The following SORCS3 variants were observed in gnomAD, a reference collection of about 807,000 sequenced individuals.
SORCS3 encodes VPS10 domain-containing receptor SorCS3.
A neutral mutation model predicts 146.3 loss-of-function variants in SORCS3; 57 were observed. The observed-to-expected ratio is 0.39, with a 90% CI of 0.31 to 0.49. The LOEUF is 0.49. Among genes scored for constraint, SORCS3 ranks in the 20% least tolerant of loss-of-function variants. The pLI, the probability that SORCS3 is intolerant of heterozygous loss-of-function variation, is 0.92. For synonymous variants in SORCS3, 653 were observed against 618.5 expected, an observed-to-expected ratio of 1.06 and a Z score of -0.83; for missense variants, 1,341 against 1,575.5, an observed-to-expected ratio of 0.85 and a Z score of 2.52.
intron 17 of SORCS3, among the ~76,000 whole-genome samples, chr10:105,211,659 A>G (rs2056634864): frequency 6.6e-6 from 1 of 152,246 alleles, no homozygotes; most frequent in Non-Finnish European, 1.5e-5. Flanking sequence ...TGAAAATTCA[A>G]AAGTTCCATT....
intron 1 of SORCS3, among the ~76,000 whole-genome samples, chr10:104,782,809 T>C (rs1167522360): frequency 1.3e-5 from 2 of 152,180 alleles, no homozygotes; most frequent in African/African-American, 4.8e-5. Flanking sequence ...GGGTTTCAGA[T>C]ACAGCTCTGA....
intron 7 of SORCS3, among the ~76,000 whole-genome samples, chr10:105,109,488 T>A (rs1447683032): frequency 2.0e-5 from 3 of 152,136 alleles, no homozygotes; most frequent in Non-Finnish European, 4.4e-5. Context: ...TTCCTATAGT[T>A]TTTCCCATTT....
intron 11 of SORCS3, among the ~76,000 whole-genome samples, chr10:105,160,180 A>G (rs1419267219): frequency 2.6e-5 from 4 of 152,230 alleles, no homozygotes. Flanking sequence ...GATGAATGAT[A>G]AAAGTTAATA....
intron 4 of SORCS3, among the ~76,000 whole-genome samples, chr10:105,040,638 C>A (rs1331359391): frequency 2.0e-5 from 3 of 152,040 alleles, no homozygotes; most frequent in Non-Finnish European, 2.9e-5. Flanking sequence ...TGTTTGCTTC[C>A]TAAACAATTG....
At position 104,791,508 on chromosome 10, in the gene SORCS3, G is replaced by A. The variant is rs117976110; in HGVS notation, c.628-51284G>A. ...AGGTTCAAGGATCTAAGACCACTCA[G>A]GAGAGCTCTCTAGTTGATGGCAGCC... On this transcript the variant is annotated intron_variant, in intron 1 of 26. Transcript: ENST00000369701. Among the ~76,000 whole-genome samples, 752 of 152,264 alleles carry A rather than the reference G, an allele frequency of 4.9e-3. 2 individuals carry two copies. Among genetic ancestry groups the A allele is most frequent in the Non-Finnish European group, 6.7e-3 (456 of 68,016 alleles).
intron 7 of SORCS3, among the ~76,000 whole-genome samples, chr10:105,126,089 A>G (rs2055971774): frequency 1.3e-5 from 2 of 152,310 alleles, no homozygotes; most frequent in African/African-American, 2.4e-5. Flanking sequence ...GCAAAACTTC[A>G]TTCCTGCTAT....
intron 5 of SORCS3, among the ~76,000 whole-genome samples, chr10:105,064,321 A>G (rs1195119732): frequency 1.3e-5 from 2 of 152,160 alleles, no homozygotes. Flanking sequence ...TCGTCTGTGA[A>G]TTAGTCAGGG....
At chr10:104,939,825 T>A (rs1051924944) in intron 3 of SORCS3, among the ~76,000 whole-genome samples, 1 of 152,124 alleles carries the variant, frequency 6.6e-6, no homozygotes, top group Middle Eastern at 3.2e-3. Flanking sequence ...AATCTTTCCA[T>A]TGAAAAATGA....
rs945041546 is a variant in SORCS3, at chr10:104,910,981, G to A, written c.696-4852G>A. On this transcript the variant is annotated intron_variant, in intron 2 of 26. Coordinates refer to ENST00000369701, the MANE Select transcript of SORCS3 (RefSeq NM_014978.3). ...TGAACATTTCAGTCTTATGAACCTA[G>A]TGTCAGGATTTGGGAGGCTAGCTTT... is the stretch of plus-strand genomic sequence containing the variant. Among the ~76,000 whole-genome samples the A allele has an allele frequency of 2.4e-4, 37 of 152,386 alleles. 1 individual carries two copies. Among genetic ancestry groups the A allele is most frequent in the Middle Eastern group, 3.4e-3 (1 of 294 alleles).
At chr10:105,259,629 C>A (rs2119770863) in intron 25 of SORCS3, among the ~76,000 whole-genome samples, 1 of 152,282 alleles carries the variant, frequency 6.6e-6, no homozygotes, top group African/African-American at 2.4e-5. Context: ...GATGGCTTTT[C>A]TTTCTGAAGA....
chr10:104,912,882 C>CG (rs2018983317), intron 2 of SORCS3, among the ~76,000 whole-genome samples: 1 of 152,026 alleles, frequency 6.6e-6, no homozygotes, highest in African/African-American at 2.4e-5. Context: ...TAATCCCCCC[C>CG]GGGAAAGCTG....
At chr10:105,102,780 CTTTTTTTT>C (rs1183026265) in intron 6 of SORCS3, among the ~76,000 whole-genome samples, 11,892 of 92,112 alleles carry the variant, frequency 0.13, 320 homozygotes, top group East Asian at 0.17. Flanking sequence ...ACCTCTCAAC[CTTTTTTTT>C]TTTTTTTTTT....
At chr10:104,787,616 AT>A (rs111409537) in intron 1 of SORCS3, among the ~76,000 whole-genome samples, 2 of 151,912 alleles carry the variant, frequency 1.3e-5, no homozygotes, top group South Asian at 2.1e-4. Flanking sequence ...GGCAAGTGGG[AT>A]TTTTTTTCCA....
At chr10:104,947,434 C>G (rs2019383145) in intron 3 of SORCS3, among the ~76,000 whole-genome samples, 2 of 152,056 alleles carry the variant, frequency 1.3e-5, no homozygotes, top group Admixed American at 6.6e-5. Flanking sequence ...ATTCTCTTTC[C>G]TCTTGGGGGA....
Position 104,911,460 on chromosome 10 carries a change from T to C in SORCS3, c.696-4373T>C, listed in dbSNP as rs114683980. Reference sequence around the variant, plus strand: ...CATGCAGCTTGTGAAAGTGAGACCATGTGTGATGATCAGCGTACTATCTTT... The same window carrying C: ...CATGCAGCTTGTGAAAGTGAGACCACGTGTGATGATCAGCGTACTATCTTT... On this transcript the variant is annotated intron_variant, in intron 2 of 26. Coordinates refer to ENST00000369701, the MANE Select transcript of SORCS3 (RefSeq NM_014978.3). 9.9e-3 allele frequency among the ~76,000 whole-genome samples: 1,509 copies of C among 152,302 alleles called. 15 individuals carry two copies. Among genetic ancestry groups the C allele is most frequent in the African/African-American group, 0.034 (1,431 of 41,558 alleles).
intron 2 of SORCS3, among the ~76,000 whole-genome samples, chr10:104,915,060 C>T (rs1371896356): frequency 6.6e-6 from 1 of 151,964 alleles, no homozygotes; most frequent in Non-Finnish European, 1.5e-5. Context: ...TACTTGAATC[C>T]CACTGTTTGG....
intron 3 of SORCS3, among the ~76,000 whole-genome samples, chr10:104,963,272 T>C (rs2054806315): frequency 6.6e-6 from 1 of 152,194 alleles, no homozygotes; most frequent in African/African-American, 2.4e-5. Context: ...CATGGCAATT[T>C]ATGCTTGCAT....
chr10:104,738,401 G>A (rs2016801801), intron 1 of SORCS3, among the ~76,000 whole-genome samples: 1 of 152,160 alleles, frequency 6.6e-6, no homozygotes, highest in Non-Finnish European at 1.5e-5. Flanking sequence ...TCCAGAAACA[G>A]GTTCTTGATT....
At chr10:104,860,146 A>G (rs1481075612) in intron 2 of SORCS3, among the ~76,000 whole-genome samples, 2 of 119,976 alleles carry the variant, frequency 1.7e-5, no homozygotes, top group African/African-American at 3.0e-5. Flanking sequence ...ACTATTCACA[A>G]TAGCAAAGAC....
Sources: allele counts gnomAD v4.1 joint callset (sites outside exome capture counted in the v4.1 genomes callset), GRCh38; gene constraint gnomAD v4.1.1; transcripts MANE v1.5; gene names NCBI Gene and HGNC (gene_info 2026-07-23, HGNC 2026-07-21).